The following PPP4R1 variants were observed in gnomAD, a reference collection of about 807,000 sequenced individuals.
PPP4R1 encodes the protein protein phosphatase 4 regulatory subunit 1.
In PPP4R1, 42 loss-of-function variants were observed where a neutral mutation model predicts 111.2. The ratio of observed to expected loss-of-function variants is 0.38; its 90% confidence interval spans 0.29 to 0.49. The LOEUF is 0.49. PPP4R1 is among the 20% of genes least tolerant of loss of function. The pLI is 0.97. For missense variants in PPP4R1, 1,012 were observed against 1,161.6 expected (o/e 0.87, Z 1.87); for synonymous variants, 409 against 405.5 (o/e 1.01, Z -0.10).
At chr18:9,603,019 A>G (rs956883449) in intron 2 of PPP4R1, among the ~76,000 whole-genome samples, 2 of 152,222 alleles carry the variant, frequency 1.3e-5, no homozygotes, top group African/African-American at 4.8e-5. Context: ...TGTTAGGCAA[A>G]TAAGCAAATG....
chr18:9,551,552 G>A (rs1568082028), intron 16 of PPP4R1: 2 of 152,332 alleles, frequency 1.3e-5, no homozygotes, highest in Non-Finnish European at 2.9e-5. Flanking sequence ...GGAAAAACAG[G>A]AGAGATGTCT....
At chr18:9,591,366 C>T (rs1231889849) in intron 4 of PPP4R1, among the ~76,000 whole-genome samples, 12 of 151,602 alleles carry the variant, frequency 7.9e-5, no homozygotes, top group Admixed American at 7.9e-4. Flanking sequence ...AAAAGATACC[C>T]AAATAGCCAG....
At chr18:9,613,105 C>G (rs1301485569) in intron 2 of PPP4R1, among the ~76,000 whole-genome samples, 2 of 152,188 alleles carry the variant, frequency 1.3e-5, no homozygotes, top group African/African-American at 4.8e-5. Flanking sequence ...ACTAGACAGT[C>G]AATCTCAGCA....
rs755901973 is a variant in PPP4R1 at position 9,576,153 on chromosome 18, AAAG to A, written c.1046+908_1046+910del. 2.1e-3 allele frequency among the ~76,000 whole-genome samples: 321 copies of A among 152,356 alleles called. 2 individuals are homozygous for A. The highest frequency in any genetic ancestry group is 2.5e-3 in the Non-Finnish European group (173 of 68,042). On this transcript the variant is annotated intron_variant, in intron 10 of 19. Coordinates refer to ENST00000400556, the MANE Select transcript of PPP4R1 (RefSeq NM_001042388.3). Reference sequence around the variant, plus strand: ...AAGGTAAAACAAGGCAGCAGAGAAGAAAGAAGAACTGCCAAATCAAAACACCAA... The same window carrying A: ...AAGGTAAAACAAGGCAGCAGAGAAGAAAGAACTGCCAAATCAAAACACCAA...
rs896087016 is a variant in PPP4R1 at position 9,584,649 on chromosome 18, A to G, written c.694-69T>C. 94 of 1,600,590 alleles carry G rather than the reference A, an allele frequency of 5.9e-5. 2 individuals are homozygous for G. In the Admixed American group the frequency reaches 1.6e-3, roughly 27 times the overall value. ...AGGTTCTTCTAAGATAATCTTTTAA[A>G]TATCATGTATCAGTACATTAACCAC... On this transcript the variant is annotated intron_variant, in intron 7 of 19. Coordinates refer to ENST00000400556, the MANE Select transcript of PPP4R1 (RefSeq NM_001042388.3).
Position 9,557,477 on chromosome 18 carries a change from T to C in PPP4R1, c.2029-95A>G, listed in dbSNP as rs1598894740. 4 of 1,122,604 alleles carry C rather than the reference T, an allele frequency of 3.6e-6. No homozygotes were observed. In the East Asian group the frequency reaches 8.4e-5, roughly 24 times the overall value. 69.5% of individuals were successfully genotyped at this position (1,122,604 alleles called of 1,614,324 possible). On this transcript the variant is annotated intron_variant, in intron 14 of 19. Transcript: ENST00000400556. Reference sequence around the variant, plus strand: ...CAAAGGCTAATTTATATATGAATGTTACTAACCTCAAAAAATTAAATCAGA... The same window carrying C: ...CAAAGGCTAATTTATATATGAATGTCACTAACCTCAAAAAATTAAATCAGA...
chr18:9,580,582 C>T (rs1262492164), intron 9 of PPP4R1, among the ~76,000 whole-genome samples: 1 of 152,132 alleles, frequency 6.6e-6, no homozygotes, highest in Admixed American at 6.5e-5. Flanking sequence ...GATCTCCTGA[C>T]CTCGTGATCC....
At chr18:9,610,439 C>T (rs2067557732) in intron 2 of PPP4R1, among the ~76,000 whole-genome samples, 1 of 152,092 alleles carries the variant, frequency 6.6e-6, no homozygotes, top group African/African-American at 2.4e-5. Flanking sequence ...AACTTAAATA[C>T]ATATGGTTTT....
chr18:9,585,403 A>C (rs1025268434), intron 6 of PPP4R1, among the ~76,000 whole-genome samples: 2 of 152,204 alleles, frequency 1.3e-5, no homozygotes, highest in African/African-American at 2.4e-5. Flanking sequence ...GGCATGTTTC[A>C]GTTAACACAA....
At chr18:9,555,168 TG>T (rs1212381020) in intron 15 of PPP4R1, among the ~76,000 whole-genome samples, 3 of 152,074 alleles carry the variant, frequency 2.0e-5, no homozygotes, top group African/African-American at 7.2e-5. Context: ...TTGGGCGTGG[TG>T]GTGCGCCTGT....
chr18:9,557,502 A>C (rs2066606312), intron 14 of PPP4R1, 120 bp from the exon 15 acceptor site: 1 of 857,026 alleles, frequency 1.2e-6, no homozygotes, highest in African/African-American at 1.8e-5. Flanking sequence ...ATTAAATCAG[A>C]ATAACAGATA....
intron 15 of PPP4R1, among the ~76,000 whole-genome samples, chr18:9,555,915 T>C (rs929754052): frequency 6.6e-6 from 1 of 151,336 alleles, no homozygotes; most frequent in Non-Finnish European, 1.5e-5. Flanking sequence ...GGTGGGCGGA[T>C]CACAAGATCA....
chr18:9,600,738 G>A (rs547314612), intron 2 of PPP4R1, among the ~76,000 whole-genome samples: 1 of 152,166 alleles, frequency 6.6e-6, no homozygotes, highest in South Asian at 2.1e-4. Flanking sequence ...AATATTAGCT[G>A]GGGGTGGTGG....
intron 2 of PPP4R1, chr18:9,613,805 T>G (rs567222301): frequency 6.5e-6 from 1 of 153,222 alleles, no homozygotes; most frequent in African/African-American, 2.4e-5. Context: ...GAAGAGCGAC[T>G]CTAAGGAAAC....
chr18:9,576,541 T>G (rs2066938345), intron 10 of PPP4R1, among the ~76,000 whole-genome samples: 1 of 152,188 alleles, frequency 6.6e-6, no homozygotes, highest in Non-Finnish European at 1.5e-5. Context: ...ACTGATATAC[T>G]GGCTAATATA....
intron 9 of PPP4R1, among the ~76,000 whole-genome samples, chr18:9,581,252 TAA>T (rs35508273): frequency 6.6e-6 from 1 of 151,536 alleles, no homozygotes; most frequent in African/African-American, 2.4e-5. Context: ...ATTTCAGACT[TAA>T]AAAAAGACTT....
intron 14 of PPP4R1, among the ~76,000 whole-genome samples, chr18:9,558,665 A>G (rs1358869962): frequency 6.6e-6 from 1 of 151,674 alleles, no homozygotes; most frequent in Non-Finnish European, 1.5e-5. Flanking sequence ...AGGAAAAGTC[A>G]TCACATTTCA....
intron 11 of PPP4R1, among the ~76,000 whole-genome samples, chr18:9,566,532 T>C (rs2066768233): frequency 6.6e-6 from 1 of 151,940 alleles, no homozygotes; most frequent in South Asian, 2.1e-4. Context: ...ATGCCTGTAG[T>C]CCCAGCTACT....
Position 9,550,076 on chromosome 18 carries a change from C to G in PPP4R1, c.2523G>C (p.Arg841=), listed in dbSNP as rs769860016. 25 of 1,614,060 alleles carry G rather than the reference C, an allele frequency of 1.5e-5. No individual in the cohort carries two copies. In the African/African-American group the frequency reaches 2.7e-4, roughly 17 times the overall value. Reference sequence around the variant, plus strand: ...CCTGGCAGACAAAGACAAAGGCTTGCCGACCAGACCACTTGGGACATCTGC... The same window carrying G: ...CCTGGCAGACAAAGACAAAGGCTTGGCGACCAGACCACTTGGGACATCTGC... ...NFGRCPKWSG[R]QAFVFVCQTV... is the part of the protein sequence containing the mutation. Residue 841 remains arginine, a synonymous_variant, in exon 18 of 20, where the codon CGG becomes CGC. Coordinates refer to ENST00000400556, the MANE Select transcript of PPP4R1 (RefSeq NM_001042388.3).
Sources: gnomAD v4.1 joint callset for allele counts (sites outside exome capture counted in the v4.1 genomes callset) on GRCh38, gnomAD v4.1.1 for gene constraint, MANE v1.5 for transcripts, NCBI Gene and HGNC (gene_info 2026-07-23, HGNC 2026-07-21) for gene names.